CDC42BPB: variants seen among roughly 807,000 people sequenced by gnomAD.
The protein encoded by CDC42BPB is serine/threonine-protein kinase MRCK beta.
A neutral mutation model predicts 214.9 loss-of-function variants in CDC42BPB; 37 were observed. The ratio of observed to expected loss-of-function variants is 0.17; its 90% CI spans 0.13 to 0.23. The LOEUF is 0.23. Among genes scored for constraint, CDC42BPB ranks in the 10% least tolerant of loss-of-function variants. CDC42BPB has a pLI of 1.00. For synonymous variants in CDC42BPB, 931 were observed against 884.0 expected (o/e 1.05, Z -0.94); for missense variants, 1,694 against 2,227.0 (o/e 0.76, Z 4.82).
Position 102,975,948 on chromosome 14 carries a change from T to G in CDC42BPB, c.1322A>C (p.Glu441Ala). Reference sequence around the variant, plus strand: ...CCTCCGAATCCTCCTCTCGTAAGCTTCCATCTGCAGGCTGTGCTCCAGGTC... The same window carrying G: ...CCTCCGAATCCTCCTCTCGTAAGCTGCCATCTGCAGGCTGTGCTCCAGGTC... ...QRDLEHSLQM[E>A]AYERRIRRLE... The change falls in exon 10 of 37, where the codon GAA becomes GCA. Residue 441 changes from glutamate to alanine, a missense_variant. This residue lies in a region of CDC42BPB where 462 missense variants were observed against 513.5 expected (regional missense o/e 0.90). Transcript: ENST00000361246. 6.2e-7 allele frequency: 1 copy of G among 1,614,194 alleles called. No homozygotes were observed. The highest frequency in any genetic ancestry group is 8.5e-7 in the Non-Finnish European group (1 of 1,180,034).
rs2139455121 is a variant in CDC42BPB, at chr14:102,967,244, G to GT, written c.2347-75dup. The GT allele has an allele frequency of 2.0e-6, 3 of 1,524,934 alleles. No homozygotes were observed. The East Asian group carries it at 6.9e-5, about 35-fold the overall frequency. The allele number at this position is 1,524,934 out of a possible 1,614,324, so 94.5% of individuals were successfully genotyped here. A position where few individuals can be genotyped will look rare whatever the true frequency, so the allele number is the denominator to read the frequency against. ...AAGTATGCTGGATTTAACACTGGAA[G>GT]TTCTTTTGAAGACTCTGAAAGTTTT... On this transcript the variant is annotated intron_variant, in intron 16 of 36. Transcript: ENST00000361246.
chr14:103,055,408 G>C (rs945521665), intron 1 of CDC42BPB, among the ~76,000 whole-genome samples: 11 of 152,196 alleles, frequency 7.2e-5, no homozygotes, highest in African/African-American at 2.7e-4. Context: ...AGGCAACACA[G>C]TGAGACTCGT....
chr14:102,944,640 T>A lies in CDC42BPB; in HGVS notation c.3812-153A>T. On this transcript the variant is annotated intron_variant, in intron 29 of 36. Coordinates refer to ENST00000361246, the MANE Select transcript of CDC42BPB (RefSeq NM_006035.4). This position sits in a 1 kb window ranked among gnomAD's most constrained non-coding sequence, Gnocchi z 6.6. ...CAGCCTGAGCCCGGCCCTGAGCCCG[T>A]CTCTGCCCACAGAGCCAGTGGCTTG... The A allele has an allele frequency of 1.0e-6, 1 of 985,260 alleles. No homozygotes were observed. The allele number at this position is 985,260 out of a possible 1,614,324, so 61.0% of individuals were successfully genotyped here.
chr14:103,056,839 C>A (rs1889004139), intron 1 of CDC42BPB, among the ~76,000 whole-genome samples, 160 bp downstream of exon 1: 1 of 144,262 alleles, frequency 6.9e-6, no homozygotes, highest in Non-Finnish European at 1.5e-5. Context: ...GGCTGCGGGC[C>A]TGGGGGCGCT....
Position 102,950,050 on chromosome 14 carries a change from G to C in CDC42BPB, c.3310-146C>G, listed in dbSNP as rs925014250. On this transcript the variant is annotated intron_variant, in intron 25 of 36. Coordinates refer to ENST00000361246, the MANE Select transcript of CDC42BPB (RefSeq NM_006035.4). ...GGGATGTTTGCCCAAGAAGGCTCAA[G>C]GCGTTGCTGGGGAGGGGTCCATGCG... 3.9e-5 allele frequency: 58 copies of C among 1,474,852 alleles called. No homozygotes were observed. The Middle Eastern group carries it at 1.0e-3, about 25-fold the overall frequency. 91.4% of individuals were successfully genotyped at this position (1,474,852 alleles called of 1,614,324 possible). A position where few individuals can be genotyped will look rare whatever the true frequency, so the allele number is the denominator to read the frequency against.
intron 1 of CDC42BPB, among the ~76,000 whole-genome samples, chr14:103,022,897 C>G (rs1388406779): frequency 8.3e-6 from 1 of 120,498 alleles, no homozygotes; most frequent in Non-Finnish European, 1.8e-5. Context: ...GGCTCACCCA[C>G]CCCCCTCAGG....
intron 6 of CDC42BPB, among the ~76,000 whole-genome samples, chr14:102,984,514 G>T (rs141809482): frequency 6.6e-6 from 1 of 152,090 alleles, no homozygotes; most frequent in South Asian, 2.1e-4. Context: ...TCCTACCCCC[G>T]CAAGGGAGAA....
At chr14:102,973,733 G>A in intron 12 of CDC42BPB, among the ~76,000 whole-genome samples, 1 of 152,150 alleles carries the variant, frequency 6.6e-6, no homozygotes, top group East Asian at 1.9e-4. Context: ...TGGGTCTGAA[G>A]TGGAGACTGG....
intron 1 of CDC42BPB, 64 bp downstream of exon 1, chr14:103,056,935 G>A (rs1889015450): frequency 3.4e-6 from 4 of 1,177,904 alleles, no homozygotes; most frequent in Admixed American, 3.9e-5. Flanking sequence ...CGGGCGTGGG[G>A]ATGCGCGGGC....
chr14:102,974,016 C>G lies in CDC42BPB; in HGVS notation c.1641G>C (p.Lys547Asn). The G allele has an allele frequency of 6.2e-7, 1 of 1,606,510 alleles. No individual in the cohort carries two copies. Residue 547 changes from lysine to asparagine, a missense_variant and splice_region_variant, in exon 12 of 37, where the codon AAG becomes AAC. Lys to Asn is a moderately conservative substitution (Grantham distance 94, BLOSUM62 0). This residue lies in a region of CDC42BPB where 462 missense variants were observed against 513.5 expected (regional missense o/e 0.90). Coordinates refer to ENST00000361246, the MANE Select transcript of CDC42BPB (RefSeq NM_006035.4). ...VVRQEKEELH[K>N]QLVEASERLK... ...TCTCACCCCAAACTGAGCCACCTAC[C>G]TTGTGCAGCTCCTCCTTCTCCTGCC...
rs917984368 is a variant in CDC42BPB at position 103,008,349 on chromosome 14, C to G, written c.351+123G>C. 63 of 677,160 alleles carry G rather than the reference C, an allele frequency of 9.3e-5. No individual in the cohort carries two copies. In the South Asian group the frequency reaches 1.0e-3, roughly 11 times the overall value. 41.9% of individuals were successfully genotyped at this position (677,160 alleles called of 1,614,324 possible). On this transcript the variant is annotated intron_variant, in intron 3 of 36. Coordinates refer to ENST00000361246, the MANE Select transcript of CDC42BPB (RefSeq NM_006035.4). ...ACCTCCTCAAAAGAGAGTGCTCGCTCTGTCCGGGGGGCAGGGAGGCCCAGG... is the reference window on the plus strand; with the variant it reads ...ACCTCCTCAAAAGAGAGTGCTCGCTGTGTCCGGGGGGCAGGGAGGCCCAGG...
chr14:103,002,088 T>C (rs773768761), intron 4 of CDC42BPB, among the ~76,000 whole-genome samples: 4 of 152,204 alleles, frequency 2.6e-5, no homozygotes, highest in African/African-American at 9.6e-5. Flanking sequence ...ATAGAAACTG[T>C]AGCAGAACCC....
chr14:103,019,638 C>T (rs6575940), intron 1 of CDC42BPB, among the ~76,000 whole-genome samples: 13,771 of 152,210 alleles, frequency 0.09, 1,536 homozygotes, highest in African/African-American at 0.27. Context: ...GGGGTTCGCA[C>T]CCCTCCTAAG....
Position 102,950,566 on chromosome 14 carries a change from C to G in CDC42BPB, c.3209G>C (p.Gly1070Ala). 1.2e-6 allele frequency: 2 copies of G among 1,606,300 alleles called. No individual in the cohort carries two copies. The highest frequency in any genetic ancestry group is 1.7e-6 in the Non-Finnish European group (2 of 1,176,544). Residue 1070 changes from glycine to alanine, a missense_variant, in exon 25 of 37, where the codon GGT becomes GCT. Gly to Ala is a moderately conservative substitution (Grantham distance 60). Transcript: ENST00000361246. ...SFACHVSCKD[G>A]APQVCPIPPE... is the part of the protein sequence containing the mutation. Reference sequence around the variant, plus strand: ...AGGTATTGGGCACACCTGGGGGGCACCGTCTTTGCAGGACACGTGGCAAGC... The same window carrying G: ...AGGTATTGGGCACACCTGGGGGGCAGCGTCTTTGCAGGACACGTGGCAAGC...
rs376224473 is a variant in CDC42BPB, at chr14:102,940,238, C to T, written c.4495G>A (p.Gly1499Ser). The T allele has an allele frequency of 1.2e-5, 20 of 1,601,866 alleles. No homozygotes were observed. The African/African-American group carries it at 1.3e-4, about 11-fold the overall frequency. The change falls in exon 31 of 37, where the codon GGC becomes AGC. Residue 1499 changes from glycine (G) to serine (S), a missense_variant. By Grantham distance (56) the Gly-to-Ser change is moderately conservative (BLOSUM62 0). Transcript: ENST00000361246. ...CGAGGCCGCCTTACCCTCCGCAGGCCGATGGTCTGCACCCACTCCATGGTG... is the reference window on the plus strand; with the variant it reads ...CGAGGCCGCCTTACCCTCCGCAGGCTGATGGTCTGCACCCACTCCATGGTG... ...VRTMEWVQTI[G>S]LRRIRPLNSE...
chr14:103,057,270 C>A lies in CDC42BPB; in HGVS notation c.-97G>T. 2 of 1,146,108 alleles carry A rather than the reference C, an allele frequency of 1.7e-6. No homozygotes were observed. Among genetic ancestry groups the A allele is most frequent in the Non-Finnish European group, 2.1e-6 (2 of 933,708 alleles). The allele number at this position is 1,146,108 out of a possible 1,614,324, so 71.0% of individuals were successfully genotyped here. The stretch of plus-strand genomic sequence containing the variant: ...TCGGGGGCTCGGCGGCTGCGAGCCC[C>A]GGCAGCAGCGGCGCCTCCTCGCCGC... On this transcript the variant is annotated 5_prime_UTR_variant, in exon 1 of 37. Transcript: ENST00000361246.
chr14:102,970,085 T>C (rs1187086077), intron 14 of CDC42BPB, 66 bp downstream of exon 14: 17 of 1,272,346 alleles, frequency 1.3e-5, no homozygotes, highest in East Asian at 4.7e-5. Flanking sequence ...GTGACTTCCA[T>C]GTGGTGGCGT....
At chr14:102,969,693 C>T (rs1382773414) in intron 14 of CDC42BPB, among the ~76,000 whole-genome samples, 1 of 152,264 alleles carries the variant, frequency 6.6e-6, no homozygotes, top group East Asian at 1.9e-4. Context: ...CCCACTCCCG[C>T]CCTCCGCGGC....
At chr14:102,958,414 G>A (rs765642974) in intron 21 of CDC42BPB, among the ~76,000 whole-genome samples, 3 of 152,116 alleles carry the variant, frequency 2.0e-5, no homozygotes, top group African/African-American at 4.8e-5. Flanking sequence ...CTTCCCACTC[G>A]CCTGCAGGGC....
Sources: gnomAD v4.1 joint callset for allele counts (sites outside exome capture counted in the v4.1 genomes callset) on GRCh38, gnomAD v4.1.1 for gene constraint, gnomAD v4.1.1 regional missense constraint, Gnocchi (gnomAD v3.1) non-coding constraint, MANE v1.5 for transcripts, NCBI Gene and HGNC (gene_info 2026-07-23, HGNC 2026-07-21) for gene names.